EDA2R: variants seen among roughly 807,000 people sequenced by gnomAD.
The protein encoded by EDA2R is tumor necrosis factor receptor superfamily member 27.
EDA2R carries 26 observed loss-of-function variants against 20.1 expected under a neutral mutation model. That is an observed-to-expected ratio of 1.30 (90% confidence interval 0.95 to 1.80). The LOEUF is 1.80. Ranked by LOEUF, EDA2R falls within the 40% of genes most tolerant of loss-of-function variation. The probability of loss-of-function intolerance (pLI) is 0.00; values close to 1 mark genes in which losing one functional copy is unlikely to be tolerated. For synonymous variants in EDA2R, 114 were observed against 88.7 expected, an observed-to-expected ratio of 1.29 and a Z score of -1.60; for missense variants, 277 against 228.7, an observed-to-expected ratio of 1.21 and a Z score of -1.36.
chrX:66,604,327 A>G, intron 4 of EDA2R, 94 bp downstream of exon 4: 1 of 737,879 alleles, frequency 1.4e-6, no homozygotes, highest in Non-Finnish European at 1.9e-6. Context: ...CTCTACATGA[A>G]AAGGTATGAG....
At chrX:66,604,553 G>A in intron 3 of EDA2R, 47 bp from the exon 4 acceptor site, 1 of 1,110,059 alleles carries the variant, frequency 9.0e-7, no homozygotes, top group Non-Finnish European at 1.2e-6. Flanking sequence ...AACAAGCAAT[G>A]CACTTGGACC....
At chrX:66,629,142 C>T (rs964924732) in intron 1 of EDA2R, among the ~76,000 whole-genome samples, 2 of 111,594 alleles carry the variant, frequency 1.8e-5, no homozygotes, top group Non-Finnish European at 3.8e-5. Flanking sequence ...GTCTAGCATC[C>T]CTTTATGATT....
chrX:66,602,496 G>T, intron 5 of EDA2R, 137 bp downstream of exon 5: 1 of 711,597 alleles, frequency 1.4e-6, no homozygotes, highest in Non-Finnish European at 2.0e-6. Context: ...AGTTCCCCAG[G>T]CCAACAGAAG....
At chrX:66,615,844 G>T (rs1931583964) in intron 2 of EDA2R, 90 bp downstream of exon 2, 5 of 684,182 alleles carry the variant, frequency 7.3e-6, no homozygotes, top group Middle Eastern at 3.0e-4. Flanking sequence ...GTCATAAGTA[G>T]GGCTGACTCC....
At position 66,599,617 on chromosome X, in the gene EDA2R, C is replaced by T; in HGVS notation, c.761G>A (p.Cys254Tyr). 1 of 1,204,496 alleles carries T rather than the reference C, an allele frequency of 8.3e-7. No homozygotes were observed. The highest frequency in any genetic ancestry group is 1.1e-6 in the Non-Finnish European group (1 of 891,980). Reference sequence around the variant, plus strand: ...AAACTTTTGCAGGTCCAGCTCTGTGCATTCGATGGGGCTGTGGACCCAGTG... The same window carrying T: ...AAACTTTTGCAGGTCCAGCTCTGTGTATTCGATGGGGCTGTGGACCCAGTG... ...HSHWVHSPIE[C>Y]TELDLQKFSS... is the part of the protein sequence containing the mutation. The change falls in exon 6 of 7, where the codon TGC becomes TAC. Residue 254 changes from cysteine to tyrosine, a missense_variant. By Grantham distance (194) the Cys-to-Tyr change is radical (BLOSUM62 -2). Coordinates refer to ENST00000374719, the MANE Select transcript of EDA2R (RefSeq NM_021783.5).
intron 2 of EDA2R, among the ~76,000 whole-genome samples, chrX:66,607,434 C>T (rs1209143817): frequency 9.0e-6 from 1 of 110,934 alleles, no homozygotes; most frequent in Non-Finnish European, 1.9e-5. Context: ...CTAGGCAACA[C>T]GGCAAAGCCT....
At chrX:66,603,747 G>C (rs1990708493) in intron 4 of EDA2R, among the ~76,000 whole-genome samples, 1 of 112,070 alleles carries the variant, frequency 8.9e-6, no homozygotes, top group Admixed American at 9.5e-5. Context: ...GAATCTAGAA[G>C]AGAATTCCAT....
chrX:66,599,672 T>C lies in EDA2R; in HGVS notation c.706A>G (p.Met236Val). 5.0e-6 allele frequency: 6 copies of C among 1,208,259 alleles called. No homozygotes were observed. Among genetic ancestry groups the C allele is most frequent in the Non-Finnish European group, 5.6e-6 (5 of 894,127 alleles). The change falls in exon 6 of 7, where the codon ATG becomes GTG. Residue 236 changes from methionine to valine, a missense_variant. Coordinates refer to ENST00000374719, the MANE Select transcript of EDA2R (RefSeq NM_021783.5). ...SGFPTQESFTMASCTSESHSH... is the reference protein window; with the variant it reads ...SGFPTQESFTVASCTSESHSH... ...TGGCTCTCTGAGGTGCAGGAGGCCA[T>C]GGTAAAGGACTCCTGTGTGGGGAAG...
intron 1 of EDA2R, among the ~76,000 whole-genome samples, chrX:66,627,540 C>A (rs1169440268): frequency 1.8e-5 from 2 of 112,416 alleles, no homozygotes; most frequent in Non-Finnish European, 3.8e-5. Flanking sequence ...CAAAGAGGGA[C>A]ATTATATCAT....
In EDA2R at chrX:66,597,141, A is replaced by G. The variant is rs1327027431; in HGVS notation, c.*963T>C. ...TAGTTGTGGGACAGGAACTAGCTGT[A>G]CAAGTTTCAGACAGATTCTTGGAGA... is the stretch of plus-strand genomic sequence containing the variant. On this transcript the variant is annotated 3_prime_UTR_variant, in exon 7 of 7. Transcript: ENST00000374719. The G allele has an allele frequency of 8.8e-6, 1 of 113,207 alleles. No individual in the cohort carries two copies. The highest frequency in any genetic ancestry group is 3.2e-5 in the African/African-American group (1 of 31,197). 9.3% of individuals were successfully genotyped at this position (113,207 alleles called of 1,213,427 possible).
chrX:66,637,760 C>A (rs1038061884), intron 1 of EDA2R, among the ~76,000 whole-genome samples: 1 of 112,277 alleles, frequency 8.9e-6, no homozygotes, highest in African/African-American at 3.2e-5. Flanking sequence ...AGCCACTGTG[C>A]TAAGTGTGTG....
chrX:66,600,603 G>A (rs1457943839), intron 5 of EDA2R, among the ~76,000 whole-genome samples: 1 of 111,941 alleles, frequency 8.9e-6, no homozygotes, highest in Non-Finnish European at 1.9e-5. Flanking sequence ...TCTAAGCAGA[G>A]ACAAAATTGA....
rs1424352613 is a variant in EDA2R at position 66,597,208 on chromosome X, A to G, written c.*896T>C. Reference sequence around the variant, plus strand: ...CTAAGGAACTTGTTTTTCTCTGAGCATGAGATGTATAGGTGGGAGCTAAAG... The same window carrying G: ...CTAAGGAACTTGTTTTTCTCTGAGCGTGAGATGTATAGGTGGGAGCTAAAG... On this transcript the variant is annotated 3_prime_UTR_variant, in exon 7 of 7. Transcript: ENST00000374719. 8.9e-6 allele frequency: 1 copy of G among 112,369 alleles called. No homozygotes were observed. The highest frequency in any genetic ancestry group is 9.4e-5 in the Admixed American group (1 of 10,641). 9.3% of individuals were successfully genotyped at this position (112,369 alleles called of 1,213,427 possible).
chrX:66,612,748 G>T (rs1162132034), intron 2 of EDA2R, among the ~76,000 whole-genome samples: 1 of 111,387 alleles, frequency 9.0e-6, no homozygotes, highest in Non-Finnish European at 1.9e-5. Context: ...TTAAAAGACA[G>T]GGATTGGCAT....
chrX:66,600,094 C>T, intron 5 of EDA2R: 1 of 1,153,187 alleles, frequency 8.7e-7, no homozygotes, highest in Non-Finnish European at 1.2e-6. Context: ...TAATCAATTT[C>T]TCTAGAGAAA....
chrX:66,621,833 G>T (rs181404388), intron 1 of EDA2R, among the ~76,000 whole-genome samples: 2 of 112,223 alleles, frequency 1.8e-5, no homozygotes, highest in East Asian at 5.6e-4. Context: ...TGACGGTCGT[G>T]TGACTTTGTG....
At chrX:66,611,164 C>T (rs1464413010) in intron 2 of EDA2R, among the ~76,000 whole-genome samples, 2 of 111,717 alleles carry the variant, frequency 1.8e-5, no homozygotes, top group African/African-American at 3.3e-5. Context: ...ATTAAATAGC[C>T]TTTAGAACTG....
Position 66,602,374 on chromosome X carries a change from C to T in EDA2R, c.517+259G>A, listed in dbSNP as rs189098959. On this transcript the variant is annotated intron_variant, in intron 5 of 6. Coordinates refer to ENST00000374719, the MANE Select transcript of EDA2R (RefSeq NM_021783.5). ...ATTCCTTTCCTGAGGGGTTTCCCAC[C>T]GTGCCACATTCCTTTAAAATCCCCT... 9.9e-5 allele frequency among the ~76,000 whole-genome samples: 11 copies of T among 110,763 alleles called. No individual in the cohort carries two copies. The East Asian group carries it at 2.3e-3, about 23-fold the overall frequency.
At position 66,596,552 on chromosome X, in the gene EDA2R, C is replaced by T. The variant is rs1237935193; in HGVS notation, c.*1552G>A. 9.1e-6 allele frequency: 1 copy of T among 110,078 alleles called. No homozygotes were observed. The highest frequency in any genetic ancestry group is 1.9e-5 in the Non-Finnish European group (1 of 52,828). The allele number at this position is 110,078 out of a possible 1,213,427, so 9.1% of individuals were successfully genotyped here. A position where few individuals can be genotyped will look rare whatever the true frequency, so the allele number is the denominator to read the frequency against. On this transcript the variant is annotated 3_prime_UTR_variant, in exon 7 of 7. Coordinates refer to ENST00000374719, the MANE Select transcript of EDA2R (RefSeq NM_021783.5). The stretch of plus-strand genomic sequence containing the variant: ...ATTATTATTATTATTACTGTGTTAC[C>T]ATCATTATCTTTCCTCTAGAGCAGC...
Sources: gnomAD v4.1 joint callset for allele counts (sites outside exome capture counted in the v4.1 genomes callset) on GRCh38, gnomAD v4.1.1 for gene constraint, MANE v1.5 for transcripts, NCBI Gene and HGNC (gene_info 2026-07-23, HGNC 2026-07-21) for gene names.